Variants in FAM20C observed in about 807,000 individuals in gnomAD.
FAM20C encodes the protein FAM20C golgi associated secretory pathway kinase, also known as extracellular serine/threonine protein kinase FAM20C.
A neutral mutation model predicts 51.5 loss-of-function variants in FAM20C; 40 were observed. The ratio of observed to expected loss-of-function variants is 0.78; its 90% CI spans 0.60 to 1.01. The LOEUF is 1.01. Among genes scored for constraint, FAM20C ranks in the 50% least tolerant of loss-of-function variants. FAM20C has a pLI of 0.00. For synonymous variants in FAM20C, 406 were observed against 380.6 expected (o/e 1.07, Z -0.78); for missense variants, 861 against 844.7 (o/e 1.02, Z -0.24).
chr7:210,067 C>T (rs913002158), intron 3 of FAM20C, among the ~76,000 whole-genome samples: 10 of 152,132 alleles, frequency 6.6e-5, no homozygotes, highest in South Asian at 2.1e-4. Context: ...AGGGCATCCC[C>T]GCTCACACGC....
intron 5 of FAM20C, among the ~76,000 whole-genome samples, chr7:248,831 G>A (rs917932597): frequency 3.1e-4 from 47 of 151,612 alleles, no homozygotes; most frequent in South Asian, 1.0e-3. Flanking sequence ...ATCTCTCCAC[G>A]TAGCCTGGCA....
At chr7:226,626 C>T (rs1358199006) in intron 3 of FAM20C, among the ~76,000 whole-genome samples, 1 of 152,110 alleles carries the variant, frequency 6.6e-6, no homozygotes, top group Admixed American at 6.5e-5. Context: ...GCACAGGCGG[C>T]CGCTCCACCC....
At chr7:204,678 C>A (rs1404596323) in intron 2 of FAM20C, among the ~76,000 whole-genome samples, 2 of 152,290 alleles carry the variant, frequency 1.3e-5, no homozygotes, top group Non-Finnish European at 2.9e-5. Flanking sequence ...GTGGTGAGCG[C>A]CCACACTGCC....
chr7:243,803 A>C (rs1211197803), intron 3 of FAM20C, among the ~76,000 whole-genome samples: 1 of 152,162 alleles, frequency 6.6e-6, no homozygotes, highest in Non-Finnish European at 1.5e-5. Flanking sequence ...TGGATGTCCC[A>C]GGAGCTCAGT....
intron 3 of FAM20C, among the ~76,000 whole-genome samples, chr7:236,356 A>G (rs1039220790): frequency 6.6e-5 from 10 of 152,350 alleles, no homozygotes; most frequent in African/African-American, 2.4e-4. Flanking sequence ...GGCTTCTGGC[A>G]ACCCTTGAGG....
rs182617232 is a variant in FAM20C at position 228,303 on chromosome 7, C to T, written c.864-18112C>T. 227 of 371,338 alleles carry T rather than the reference C, an allele frequency of 6.1e-4. 1 individual carries two copies. Among genetic ancestry groups the T allele is most frequent in the African/African-American group, 4.3e-3 (204 of 47,418 alleles). 23.0% of individuals were successfully genotyped at this position (371,338 alleles called of 1,614,324 possible). A position where few individuals can be genotyped will look rare whatever the true frequency, so the allele number is the denominator to read the frequency against. On this transcript the variant is annotated intron_variant, in intron 3 of 9. Transcript: ENST00000313766. ...CAGTGCTGCCTGTCCCCATGGGTTCCGAAGAAGGCAGGTTCATTGGAAAAG... is the reference window on the plus strand; with the variant it reads ...CAGTGCTGCCTGTCCCCATGGGTTCTGAAGAAGGCAGGTTCATTGGAAAAG...
chr7:214,385 A>T (rs1786866849), intron 3 of FAM20C, among the ~76,000 whole-genome samples: 1 of 152,108 alleles, frequency 6.6e-6, no homozygotes, highest in African/African-American at 2.4e-5. Flanking sequence ...ATGTGGTATC[A>T]TGTGAAGGAC....
chr7:224,001 G>T (rs910114185), intron 3 of FAM20C, among the ~76,000 whole-genome samples: 1 of 152,032 alleles, frequency 6.6e-6, no homozygotes, highest in African/African-American at 2.4e-5. Flanking sequence ...CTCCCGGCCC[G>T]CCAGCACCAT....
chr7:201,704 G>T (rs534358204), intron 2 of FAM20C, among the ~76,000 whole-genome samples: 1 of 152,204 alleles, frequency 6.6e-6, no homozygotes, highest in Non-Finnish European at 1.5e-5. Context: ...TATGTAAGAC[G>T]CTTATTTCAT....
At chr7:233,559 G>A (rs921271353) in intron 3 of FAM20C, among the ~76,000 whole-genome samples, 12 of 152,308 alleles carry the variant, frequency 7.9e-5, no homozygotes, top group East Asian at 5.8e-4. Flanking sequence ...GGGAGGAGCC[G>A]TGTCCTGGCC....
At chr7:243,893 A>T (rs907076067) in intron 3 of FAM20C, among the ~76,000 whole-genome samples, 1 of 150,884 alleles carries the variant, frequency 6.6e-6, no homozygotes, top group African/African-American at 2.4e-5. Flanking sequence ...TGCCCAACTG[A>T]TAAGTAGCTG....
chr7:254,387 C>T (rs898646329), intron 5 of FAM20C, among the ~76,000 whole-genome samples: 2 of 152,212 alleles, frequency 1.3e-5, no homozygotes, highest in African/African-American at 2.4e-5. Flanking sequence ...TTCGGGGCTC[C>T]GGCCCCAACA....
chr7:225,988 C>T (rs562609997), intron 3 of FAM20C, among the ~76,000 whole-genome samples: 2 of 151,500 alleles, frequency 1.3e-5, no homozygotes, highest in South Asian at 2.1e-4. Flanking sequence ...GGTCGCACGG[C>T]GGCTGTCCCC....
At chr7:213,846 G>A (rs1007044403) in intron 3 of FAM20C, among the ~76,000 whole-genome samples, 1 of 152,020 alleles carries the variant, frequency 6.6e-6, no homozygotes, top group African/African-American at 2.4e-5. Flanking sequence ...GCTTTTTGAT[G>A]ACGGCCGTCC....
chr7:242,112 C>T (rs1787965382), intron 3 of FAM20C, among the ~76,000 whole-genome samples: 1 of 152,136 alleles, frequency 6.6e-6, no homozygotes, highest in Non-Finnish European at 1.5e-5. Context: ...GGGGACATCC[C>T]ATTGTACTTC....
intron 8 of FAM20C, 115 bp from the exon 9 acceptor site, chr7:258,531 C>A (rs1788740761): frequency 8.7e-6 from 9 of 1,040,440 alleles, no homozygotes; most frequent in Non-Finnish European, 1.3e-5. Flanking sequence ...CTGGGTGGAC[C>A]CACTGCCTGG....
chr7:193,124 C>G lies in FAM20C; in HGVS notation c.-76C>G, dbSNP rs1562356308. ...ATGGACCTTGACCCGCGAGGCGGCG[C>G]CGCGCTCGTGCCCAGCTGCAGCTAG... On this transcript the variant is annotated 5_prime_UTR_variant, in exon 1 of 10. Transcript: ENST00000313766. 17 of 1,303,830 alleles carry G rather than the reference C, an allele frequency of 1.3e-5. No homozygotes were observed. The highest frequency in any genetic ancestry group is 3.2e-5 in the Admixed American group (1 of 31,432). 80.8% of individuals were successfully genotyped at this position (1,303,830 alleles called of 1,614,324 possible).
At chr7:197,762 A>G (rs1321439083) in intron 2 of FAM20C, among the ~76,000 whole-genome samples, 9 of 152,110 alleles carry the variant, frequency 5.9e-5, no homozygotes, top group Admixed American at 5.9e-4. Context: ...GCTTTCCAAC[A>G]CCAACACTGA....
intron 6 of FAM20C, chr7:256,336 G>A (rs528562873): frequency 3.5e-5 from 20 of 571,284 alleles, no homozygotes; most frequent in Non-Finnish European, 5.0e-5. Flanking sequence ...CGGGAGAAAC[G>A]GCCCCTGTTC....
Sources: gnomAD v4.1 joint callset for allele counts (sites outside exome capture counted in the v4.1 genomes callset) on GRCh38, gnomAD v4.1.1 for gene constraint, MANE v1.5 for transcripts, NCBI Gene and HGNC (gene_info 2026-07-23, HGNC 2026-07-21) for gene names.